The following PEX5L variants were observed in gnomAD, a reference collection of about 807,000 sequenced individuals.
PEX5L encodes PEX5-related protein.
In PEX5L, 30 loss-of-function variants were observed where a neutral mutation model predicts 84.0. The ratio of observed to expected loss-of-function variants is 0.36; its 90% CI spans 0.27 to 0.48. The LOEUF (loss-of-function observed/expected upper bound fraction) is 0.48, where lower values mean the gene tolerates loss of function less well. PEX5L is among the 20% of genes least tolerant of loss of function. PEX5L has a pLI of 0.99. For missense variants in PEX5L, 533 were observed against 754.6 expected, an observed-to-expected ratio of 0.71 and a Z score of 3.44; for synonymous variants, 270 against 283.1, an observed-to-expected ratio of 0.95 and a Z score of 0.46.
intron 1 of PEX5L, among the ~76,000 whole-genome samples, chr3:180,025,654 A>T (rs2108335862): frequency 6.6e-6 from 1 of 152,288 alleles, no homozygotes; most frequent in African/African-American, 2.4e-5. Context: ...AGCGTATGTA[A>T]GGCAAGGAAT....
intron 2 of PEX5L, among the ~76,000 whole-genome samples, chr3:179,945,119 CTTG>C (rs996691226): frequency 1.5e-4 from 23 of 152,120 alleles, no homozygotes; most frequent in Admixed American, 2.6e-4. Context: ...AATTGGTTCC[CTTG>C]TTATTTAATC....
chr3:179,854,371 C>T (rs953425151), intron 8 of PEX5L, among the ~76,000 whole-genome samples: 2 of 151,958 alleles, frequency 1.3e-5, no homozygotes, highest in Non-Finnish European at 1.5e-5. Context: ...AAAACTTAGT[C>T]GATTTGCACA....
At chr3:179,871,656 CA>C (rs1293185047) in intron 7 of PEX5L, among the ~76,000 whole-genome samples, 1 of 152,110 alleles carries the variant, frequency 6.6e-6, no homozygotes, top group Non-Finnish European at 1.5e-5. Flanking sequence ...CAAAGGGGGG[CA>C]ATTGTTCAAA....
intron 2 of PEX5L, among the ~76,000 whole-genome samples, chr3:179,962,356 C>T (rs1262080079): frequency 1.3e-5 from 2 of 152,200 alleles, no homozygotes; most frequent in African/African-American, 4.8e-5. Flanking sequence ...CAAATATTGC[C>T]TGTGATGTGA....
At chr3:179,882,366 T>C (rs182744006) in intron 4 of PEX5L, among the ~76,000 whole-genome samples, 28 of 152,356 alleles carry the variant, frequency 1.8e-4, no homozygotes, top group African/African-American at 6.3e-4. Context: ...AGTAAGGTTC[T>C]TTCCCCCTCC....
intron 3 of PEX5L, among the ~76,000 whole-genome samples, chr3:179,896,819 G>A (rs1296509967): frequency 1.3e-5 from 2 of 152,024 alleles, no homozygotes; most frequent in East Asian, 3.9e-4. Context: ...TTTGGACATG[G>A]GAGTCTACAG....
At chr3:179,937,067 T>G (rs1774780891) in intron 2 of PEX5L, among the ~76,000 whole-genome samples, 1 of 152,024 alleles carries the variant, frequency 6.6e-6, no homozygotes, top group South Asian at 2.1e-4. Flanking sequence ...ATTGTGCCCC[T>G]CATATATATA....
In PEX5L at chr3:179,827,324, A is replaced by G. The variant is rs557813466; in HGVS notation, c.823-7348T>C. Among the ~76,000 whole-genome samples the G allele has an allele frequency of 4.1e-4, 62 of 152,284 alleles. 2 individuals are homozygous for G. Among genetic ancestry groups the G allele is most frequent in the Middle Eastern group, 3.4e-3 (1 of 294 alleles). ...TTGGAATCTAGCTACCACCTTGCAA[A>G]GAAGCCCAAGCCTCAAAGGCCCCAT... On this transcript the variant is annotated intron_variant, in intron 8 of 14. Coordinates refer to ENST00000467460, the MANE Select transcript of PEX5L (RefSeq NM_016559.3).
chr3:179,800,276 A>AT lies in PEX5L; in HGVS notation c.*1551dup, dbSNP rs1180480817. Reference sequence around the variant, plus strand: ...GAGTCTTTTTTGTTGTTGTTGTTTTATTTTTTGTGGGTAGCTATAATCATG... The same window carrying AT: ...GAGTCTTTTTTGTTGTTGTTGTTTTATTTTTTTGTGGGTAGCTATAATCATG... On this transcript the variant is annotated 3_prime_UTR_variant, in exon 15 of 15. Coordinates refer to ENST00000467460, the MANE Select transcript of PEX5L (RefSeq NM_016559.3). 1 of 152,008 alleles carries AT rather than the reference A, an allele frequency of 6.6e-6. No individual in the cohort carries two copies. Among genetic ancestry groups the AT allele is most frequent in the Non-Finnish European group, 1.5e-5 (1 of 67,990 alleles). The allele number at this position is 152,008 out of a possible 1,614,324, so 9.4% of individuals were successfully genotyped here.
Position 179,875,245 on chromosome 3 carries a change from G to A in PEX5L, c.629+109C>T, listed in dbSNP as rs146987279. The A allele has an allele frequency of 5.3e-5, 50 of 951,938 alleles. No homozygotes were observed. The Middle Eastern group carries it at 7.7e-4, about 15-fold the overall frequency. 59.0% of individuals were successfully genotyped at this position (951,938 alleles called of 1,614,324 possible). ...ACAATAATTGGTATTGTTATATAGG[G>A]GTTACATGTGATGCCAAGTATTTGG... On this transcript the variant is annotated intron_variant, in intron 6 of 14. Coordinates refer to ENST00000467460, the MANE Select transcript of PEX5L (RefSeq NM_016559.3).
intron 10 of PEX5L, among the ~76,000 whole-genome samples, chr3:179,814,021 A>G (rs1305324264): frequency 2.1e-5 from 3 of 141,416 alleles, no homozygotes; most frequent in Non-Finnish European, 4.6e-5. Flanking sequence ...GGGTTTCCCC[A>G]CGTTGGCCAA....
chr3:179,891,332 A>ACTGACTC (rs1250465685), intron 3 of PEX5L, among the ~76,000 whole-genome samples: 16 of 152,138 alleles, frequency 1.1e-4, no homozygotes, highest in African/African-American at 3.6e-4. Context: ...AGTGTTTTTC[A>ACTGACTC]AGCTGCAGCA....
intron 2 of PEX5L, among the ~76,000 whole-genome samples, chr3:179,958,492 T>A (rs1023839802): frequency 1.3e-5 from 2 of 152,136 alleles, no homozygotes; most frequent in African/African-American, 2.4e-5. Context: ...TGGAACAGAG[T>A]GTAGCACATA....
intron 8 of PEX5L, among the ~76,000 whole-genome samples, chr3:179,844,395 T>G (rs1738472925): frequency 1.3e-5 from 2 of 152,224 alleles, no homozygotes; most frequent in Admixed American, 1.3e-4. Context: ...AGGTGACTCT[T>G]AATTCTGATT....
intron 2 of PEX5L, among the ~76,000 whole-genome samples, chr3:179,924,619 C>T (rs1770844884): frequency 6.6e-6 from 1 of 152,130 alleles, no homozygotes; most frequent in Non-Finnish European, 1.5e-5. Context: ...TGGCAAATTG[C>T]ATGTGCTGTT....
intron 8 of PEX5L, among the ~76,000 whole-genome samples, chr3:179,830,774 G>A (rs1732544297): frequency 6.6e-6 from 1 of 152,104 alleles, no homozygotes; most frequent in African/African-American, 2.4e-5. Flanking sequence ...AAAACAAAGA[G>A]AGGCTCCCCA....
Position 179,808,403 on chromosome 3 carries a change from C to G in PEX5L, c.1387G>C (p.Glu463Gln), listed in dbSNP as rs1560169986. 2 of 1,572,688 alleles carry G rather than the reference C, an allele frequency of 1.3e-6. No individual in the cohort carries two copies. Among genetic ancestry groups the G allele is most frequent in the East Asian group, 2.3e-5 (1 of 43,236 alleles). Residue 463 changes from glutamate to glutamine, a missense_variant, in exon 13 of 15, where the codon GAA becomes CAA. Transcript: ENST00000467460. Reference protein sequence around the residue: ...VLEGVKELYLEAAHQNGDMID... With the variant: ...VLEGVKELYLQAAHQNGDMID... ...ATATCTCCATTTTGGTGGGCAGCTT[C>G]CAGATATAATTCCTTCACCCCTTCC...
At chr3:179,946,808 G>T (rs1297327208) in intron 2 of PEX5L, among the ~76,000 whole-genome samples, 2 of 152,238 alleles carry the variant, frequency 1.3e-5, no homozygotes, top group East Asian at 1.9e-4. Context: ...TGTGAGAAAA[G>T]CTTTCAGTTA....
chr3:179,865,516 T>G (rs1382417315), intron 7 of PEX5L, among the ~76,000 whole-genome samples: 2 of 152,106 alleles, frequency 1.3e-5, no homozygotes, highest in Non-Finnish European at 2.9e-5. Context: ...GCAAACTTTT[T>G]TTTTTTTTTT....
Sources: gnomAD v4.1 joint callset for allele counts (sites outside exome capture counted in the v4.1 genomes callset) on GRCh38, gnomAD v4.1.1 for gene constraint, MANE v1.5 for transcripts, NCBI Gene and HGNC (gene_info 2026-07-23, HGNC 2026-07-21) for gene names.